Variants in TMEM108 observed in about 807,000 individuals in gnomAD.
The protein encoded by TMEM108 is cancer/testis antigen 124.
A neutral mutation model predicts 35.1 loss-of-function variants in TMEM108; 12 were observed. The observed-to-expected ratio is 0.34, with a 90% confidence interval of 0.22 to 0.55. TMEM108 has a LOEUF of 0.55. Among genes scored for constraint, TMEM108 ranks in the 20% least tolerant of loss-of-function variants. The probability of loss-of-function intolerance (pLI) is 0.89; values close to 1 mark genes in which losing one functional copy is unlikely to be tolerated. For synonymous variants in TMEM108, 287 were observed against 308.6 expected, an observed-to-expected ratio of 0.93 and a Z score of 0.73; for missense variants, 680 against 753.3, an observed-to-expected ratio of 0.90 and a Z score of 1.14.
At chr3:133,098,755 T>C (rs1296557285) in intron 2 of TMEM108, among the ~76,000 whole-genome samples, 2 of 152,242 alleles carry the variant, frequency 1.3e-5, no homozygotes, top group East Asian at 3.9e-4. Flanking sequence ...TCCAAAACGA[T>C]CTCCTTTGAC....
At chr3:133,277,614 C>G (rs985933266) in intron 3 of TMEM108, among the ~76,000 whole-genome samples, 3 of 152,178 alleles carry the variant, frequency 2.0e-5, no homozygotes, top group Admixed American at 1.3e-4. Context: ...AGGCACCAGA[C>G]TCAGTCAGCC....
intron 2 of TMEM108, among the ~76,000 whole-genome samples, chr3:133,073,490 C>CTA (rs1943700539): frequency 1.2e-5 from 1 of 83,108 alleles, no homozygotes; most frequent in African/African-American, 6.0e-5. Context: ...TCTATTCTCT[C>CTA]TCTCTCTCTC....
chr3:133,357,150 T>C (rs1010020573), intron 3 of TMEM108, among the ~76,000 whole-genome samples: 1 of 152,048 alleles, frequency 6.6e-6, no homozygotes, highest in African/African-American at 2.4e-5. Flanking sequence ...CAAAAGAAGA[T>C]ATACAAATGG....
intron 2 of TMEM108, among the ~76,000 whole-genome samples, chr3:133,064,181 C>T (rs1040471674): frequency 6.6e-6 from 1 of 152,184 alleles, no homozygotes; most frequent in Non-Finnish European, 1.5e-5. Context: ...AGTCTAAAAC[C>T]AGTTATCACT....
chr3:133,386,752 T>G (rs1317513855), intron 4 of TMEM108: 1 of 1,232,584 alleles, frequency 8.1e-7, no homozygotes, highest in Non-Finnish European at 1.0e-6. Flanking sequence ...AAAACGCTTC[T>G]GCATATGTCA....
chr3:133,333,662 G>A (rs1267787226), intron 3 of TMEM108, among the ~76,000 whole-genome samples: 1 of 152,174 alleles, frequency 6.6e-6, no homozygotes, highest in Non-Finnish European at 1.5e-5. Context: ...CTTAAGAGTT[G>A]AAATAGAGAA....
At chr3:133,294,116 G>C (rs1045876692) in intron 3 of TMEM108, among the ~76,000 whole-genome samples, 2 of 152,164 alleles carry the variant, frequency 1.3e-5, no homozygotes, top group African/African-American at 4.8e-5. Context: ...TTTACTAGAA[G>C]TGCTTTTCTG....
intron 2 of TMEM108, among the ~76,000 whole-genome samples, chr3:133,115,011 A>G (rs1352515534): frequency 6.6e-6 from 1 of 152,230 alleles, no homozygotes; most frequent in Non-Finnish European, 1.5e-5. Context: ...ACATGCAGCC[A>G]CATCCTGAAA....
chr3:133,275,221 TTAGA>T (rs1946822997), intron 3 of TMEM108, among the ~76,000 whole-genome samples: 2 of 152,154 alleles, frequency 1.3e-5, no homozygotes, highest in South Asian at 4.1e-4. Context: ...AGTTTTTTCC[TTAGA>T]TACTCTTTAA....
At chr3:133,389,883 G>A (rs775800666) in intron 4 of TMEM108, among the ~76,000 whole-genome samples, 18 of 151,574 alleles carry the variant, frequency 1.2e-4, no homozygotes, top group Admixed American at 4.6e-4. Context: ...TGCCTGGGAC[G>A]TAAGTCCTAT....
At chr3:133,349,384 G>A (rs1006157304) in intron 3 of TMEM108, among the ~76,000 whole-genome samples, 2 of 152,024 alleles carry the variant, frequency 1.3e-5, no homozygotes, top group Non-Finnish European at 2.9e-5. Context: ...GAAAACAGGA[G>A]AGCAAACACA....
intron 3 of TMEM108, among the ~76,000 whole-genome samples, chr3:133,230,847 A>G (rs964767221): frequency 6.6e-6 from 1 of 152,236 alleles, no homozygotes; most frequent in Admixed American, 6.5e-5. Context: ...GACGAGGTCC[A>G]TCCTCTTATA....
chr3:133,185,620 T>C (rs1407216200), intron 2 of TMEM108, among the ~76,000 whole-genome samples: 1 of 151,452 alleles, frequency 6.6e-6, no homozygotes. Flanking sequence ...AGCCAGAAAT[T>C]CTACAGGCCA....
intron 2 of TMEM108, among the ~76,000 whole-genome samples, chr3:133,094,305 T>G (rs1943986287): frequency 7.0e-6 from 1 of 143,580 alleles, no homozygotes; most frequent in South Asian, 2.2e-4. Context: ...AATACTAGAT[T>G]CATTCATTTC....
At chr3:133,312,493 CTGCACTAGCTGTGAGCAAGGCTCTGTGGG>C (rs1363636474) in intron 3 of TMEM108, among the ~76,000 whole-genome samples, 1 of 152,246 alleles carries the variant, frequency 6.6e-6, no homozygotes, top group Non-Finnish European at 1.5e-5. Context: ...TCTCAGACTG[CTGCACTAGCTGTGAGCAAGGCTCTGTGGG>C]TGTGGGACCC....
chr3:133,135,782 G>A (rs542430754), intron 2 of TMEM108, among the ~76,000 whole-genome samples: 1 of 152,138 alleles, frequency 6.6e-6, no homozygotes, highest in South Asian at 2.1e-4. Flanking sequence ...TAGAGCACTG[G>A]AGGATGTACT....
intron 2 of TMEM108, among the ~76,000 whole-genome samples, chr3:133,182,658 A>G (rs1015400111): frequency 2.0e-5 from 3 of 152,134 alleles, no homozygotes; most frequent in Non-Finnish European, 4.4e-5. Flanking sequence ...AGCAGACCTC[A>G]TTTTTCCTTC....
intron 2 of TMEM108, among the ~76,000 whole-genome samples, chr3:133,084,977 G>T (rs1943862921): frequency 6.6e-6 from 1 of 152,174 alleles, no homozygotes; most frequent in African/African-American, 2.4e-5. Context: ...GTGTGTTTCA[G>T]TTATACCAGA....
At chr3:133,058,071 A>T (rs1943493609) in intron 2 of TMEM108, among the ~76,000 whole-genome samples, 1 of 145,046 alleles carries the variant, frequency 6.9e-6, no homozygotes, top group Non-Finnish European at 1.5e-5. Context: ...AGCACGTTGG[A>T]TTTTTTTTTA....
Sources: gnomAD v4.1 joint callset for allele counts (sites outside exome capture counted in the v4.1 genomes callset) on GRCh38, gnomAD v4.1.1 for gene constraint, MANE v1.5 for transcripts, NCBI Gene and HGNC (gene_info 2026-07-23, HGNC 2026-07-21) for gene names.